The following FLG2 variants were observed in gnomAD, a reference collection of about 807,000 sequenced individuals.
FLG2 encodes filaggrin 2.
Under a neutral mutation model 3.9 loss-of-function variants are expected in FLG2, and 7 were observed. That is an observed-to-expected ratio of 1.79 (90% CI 1.02 to 3.36). FLG2 has a LOEUF of 3.36. FLG2 is among the 30% of genes most tolerant of loss of function. The probability of loss-of-function intolerance (pLI) is 0.00; values close to 1 mark genes in which losing one functional copy is unlikely to be tolerated. For synonymous variants in FLG2, 1,031 were observed against 1,056.1 expected (o/e 0.98, Z 0.46); for missense variants, 2,700 against 2,809.4 (o/e 0.96, Z 0.88).
chr1:152,353,959 C>T lies in FLG2; in HGVS notation c.3827G>A (p.Ser1276Asn). The T allele has an allele frequency of 1.2e-6, 2 of 1,614,222 alleles. No individual in the cohort carries two copies. The highest frequency in any genetic ancestry group is 1.7e-6 in the Non-Finnish European group (2 of 1,180,046). ...RRRRSSQSENSDSEVHSKVSH... is the reference protein window; with the variant it reads ...RRRRSSQSENNDSEVHSKVSH... ...GACCTTTGAGTGCACTTCACTGTCA[C>T]TGTTCTCACTTTGGCTAGATCTTCG... is the stretch of plus-strand genomic sequence containing the variant. The change falls in exon 3 of 3, where the codon AGT (serine) becomes AAT (asparagine). Residue 1276 changes from serine to asparagine, a missense_variant. By Grantham distance (46) the Ser-to-Asn change is conservative (BLOSUM62 1). Coordinates refer to ENST00000388718, the MANE Select transcript of FLG2 (RefSeq NM_001014342.3).
chr1:152,356,322 C>T lies in FLG2; in HGVS notation c.1464G>A (p.Gln488=), dbSNP rs879095514. The T allele has an allele frequency of 6.2e-7, 1 of 1,612,800 alleles. No homozygotes were observed. The highest frequency in any genetic ancestry group is 8.5e-7 in the Non-Finnish European group (1 of 1,179,560). Residue 488 remains glutamine (Q), a synonymous_variant, in exon 3 of 3, where the codon CAG becomes CAA. Coordinates refer to ENST00000388718, the MANE Select transcript of FLG2 (RefSeq NM_001014342.3). The part of the protein sequence containing the change: ...GFGQHGSGSG[Q]SSGFGQCGSG... ...ACCCACATTGTCCAAAGCCAGAGGA[C>T]TGACCTGAGCCAGACCCATGTTGTC...
Position 152,353,757 on chromosome 1 carries a change from C to T in FLG2, c.4029G>A (p.Gln1343=), listed in dbSNP as rs756517323. 1.2e-6 allele frequency: 2 copies of T among 1,614,090 alleles called. No homozygotes were observed. The highest frequency in any genetic ancestry group is 2.7e-5 in the African/African-American group (2 of 75,020). ...CAGTGGCATCACTGTGGCTAAATCT[C>T]TGTCTTCCAGATGTTCTGGAACCTG... ...TQTGSRTSGR[Q]RFSHSDATDS... Residue 1343 remains glutamine, a synonymous_variant, in exon 3 of 3, where the codon CAG becomes CAA. Transcript: ENST00000388718.
chr1:152,358,523 TGA>T (rs1213813167), intron 2 of FLG2, among the ~76,000 whole-genome samples: 1 of 152,224 alleles, frequency 6.6e-6, no homozygotes, highest in Non-Finnish European at 1.5e-5. Flanking sequence ...TGAGAAAGTC[TGA>T]GAGTCTATGA....
Position 152,354,311 on chromosome 1 carries a change from C to T in FLG2, c.3475G>A (p.Gly1159Ser). The T allele has an allele frequency of 6.2e-7, 1 of 1,614,218 alleles. No individual in the cohort carries two copies. Among genetic ancestry groups the T allele is most frequent in the Non-Finnish European group, 8.5e-7 (1 of 1,180,036 alleles). The change falls in exon 3 of 3, where the codon GGC becomes AGC. Residue 1159 changes from glycine to serine, a missense_variant. Physicochemically the swap from Gly to Ser is moderately conservative, Grantham distance 56 (BLOSUM62 0). Coordinates refer to ENST00000388718, the MANE Select transcript of FLG2 (RefSeq NM_001014342.3). ...CCACAGCCAGATGATTGACTGGAGC[C>T]AGTACCATGTTGGCCATAGCTAGAC... ...GQSSYGQHGTGSSQSSGCGQH... is the reference protein window; with the variant it reads ...GQSSYGQHGTSSSQSSGCGQH...
Position 152,356,640 on chromosome 1 carries a change from T to C in FLG2, c.1146A>G (p.Gln382=), listed in dbSNP as rs1183408943. ...TGSSQSSCCG[Q]YGSGGSQSCS... Reference sequence around the variant, plus strand: ...AAGACTGGCTACCTCCAGACCCATATTGTCCACAGCAAGAGGACTGACTTG... The same window carrying C: ...AAGACTGGCTACCTCCAGACCCATACTGTCCACAGCAAGAGGACTGACTTG... Residue 382 remains glutamine (Q), a synonymous_variant, in exon 3 of 3, where the codon CAA becomes CAG. Transcript: ENST00000388718. 1.9e-6 allele frequency: 3 copies of C among 1,614,192 alleles called. No homozygotes were observed. Among genetic ancestry groups the C allele is most frequent in the South Asian group, 2.2e-5 (2 of 91,076 alleles).
chr1:152,354,906 G>A lies in FLG2; in HGVS notation c.2880C>T (p.Gly960=), dbSNP rs753814109. 2.5e-6 allele frequency: 4 copies of A among 1,613,816 alleles called. No homozygotes were observed. Among genetic ancestry groups the A allele is most frequent in the Non-Finnish European group, 3.4e-6 (4 of 1,179,974 alleles). The change falls in exon 3 of 3, where the codon GGC becomes GGT. Residue 960 remains glycine, a synonymous_variant. Coordinates refer to ENST00000388718, the MANE Select transcript of FLG2 (RefSeq NM_001014342.3). The stretch of plus-strand genomic sequence containing the variant: ...CTGAGCCTGATCCATGTTGGCCAAA[G>A]CCAGAGGATTGACCTGAGCCTGACC... ...QHRSGSGQSS[G]FGQHGSGSGQ...
At position 152,350,277 on chromosome 1, in the gene FLG2, C is replaced by T; in HGVS notation, c.*333G>A. On this transcript the variant is annotated 3_prime_UTR_variant, in exon 3 of 3. Coordinates refer to ENST00000388718, the MANE Select transcript of FLG2 (RefSeq NM_001014342.3). ...GCTTTTTGTTATCAGTATGGGATTC[C>T]TGTTTTCTGATTGAACTAGATTTTG... is the stretch of plus-strand genomic sequence containing the variant. The T allele has an allele frequency of 3.5e-6, 1 of 288,906 alleles. No individual in the cohort carries two copies. Among genetic ancestry groups the T allele is most frequent in the Non-Finnish European group, 6.4e-6 (1 of 155,474 alleles). The allele number at this position is 288,906 out of a possible 1,614,324, so 17.9% of individuals were successfully genotyped here. A position where few individuals can be genotyped will look rare whatever the true frequency, so the allele number is the denominator to read the frequency against.
At position 152,355,912 on chromosome 1, in the gene FLG2, G is replaced by A; in HGVS notation, c.1874C>T (p.Ser625Leu). ...TTGGCCATAGCCAGATGACTGACTT[G>A]AGCCAGAACTGTGTTGGCCATAACT... ...QSSYGQHSSG[S>L]SQSSGYGQHG... is the part of the protein sequence containing the mutation. The change falls in exon 3 of 3, where the codon TCA becomes TTA. Residue 625 changes from serine to leucine, a missense_variant. Transcript: ENST00000388718. 2.5e-6 allele frequency: 4 copies of A among 1,606,622 alleles called. No homozygotes were observed. The highest frequency in any genetic ancestry group is 3.4e-6 in the Non-Finnish European group (4 of 1,177,322).
rs757530669 is a variant in FLG2, at chr1:152,354,910, G to T, written c.2876C>A (p.Ser959Tyr). The T allele has an allele frequency of 3.1e-6, 5 of 1,613,942 alleles. No individual in the cohort carries two copies. Among genetic ancestry groups the T allele is most frequent in the Non-Finnish European group, 4.2e-6 (5 of 1,180,000 alleles). The change falls in exon 3 of 3, where the codon TCT (serine) becomes TAT (tyrosine). Residue 959 changes from serine (S) to tyrosine (Y), a missense_variant. Ser to Tyr is a moderately radical substitution (Grantham distance 144, BLOSUM62 -2). Coordinates refer to ENST00000388718, the MANE Select transcript of FLG2 (RefSeq NM_001014342.3). ...GQHRSGSGQSSGFGQHGSGSG... is the reference protein window; with the variant it reads ...GQHRSGSGQSYGFGQHGSGSG... ...GCCTGATCCATGTTGGCCAAAGCCA[G>T]AGGATTGACCTGAGCCTGACCTGTG...
At position 152,356,121 on chromosome 1, in the gene FLG2, G is replaced by C. The variant is rs1303867348; in HGVS notation, c.1665C>G (p.Gly555=). The change falls in exon 3 of 3, where the codon GGC becomes GGG. Residue 555 remains glycine, a synonymous_variant. Transcript: ENST00000388718. The stretch of plus-strand genomic sequence containing the variant: ...TCTCTCTAGACCCATATTGGCCATA[G>C]CCAGATGATTGACTTGAGCCAGAAC... The part of the protein sequence containing the change: ...QHGSGSSQSS[G]YGQYGSRETS... 1.2e-6 allele frequency: 2 copies of C among 1,613,770 alleles called. No homozygotes were observed. Among genetic ancestry groups the C allele is most frequent in the African/African-American group, 2.7e-5 (2 of 74,788 alleles).
Position 152,353,080 on chromosome 1 carries a change from G to C in FLG2, c.4706C>G (p.Thr1569Ser). Reference sequence around the variant, plus strand: ...ACTGTGGCTAGTTCTCTGTCTTCCAGTTGTCCTGGACCCTGTCTGTGTGGT... The same window carrying C: ...ACTGTGGCTAGTTCTCTGTCTTCCACTTGTCCTGGACCCTGTCTGTGTGGT... ...EQTTQTGSRT[T>S]GRQRTSHSES... is the part of the protein sequence containing the mutation. Residue 1569 changes from threonine to serine, a missense_variant, in exon 3 of 3, where the codon ACT (threonine) becomes AGT (serine). Physicochemically the swap from Thr to Ser is moderately conservative, Grantham distance 58. Coordinates refer to ENST00000388718, the MANE Select transcript of FLG2 (RefSeq NM_001014342.3). 6.2e-7 allele frequency: 1 copy of C among 1,613,532 alleles called. No individual in the cohort carries two copies. Among genetic ancestry groups the C allele is most frequent in the Non-Finnish European group, 8.5e-7 (1 of 1,179,886 alleles).
In FLG2 at chr1:152,356,593, T is replaced by TATTCATGTTGACCATTACTACAAGACTGG; in HGVS notation, c.1164_1192dup (p.Tyr398SerfsTer49). 2 of 1,614,112 alleles carry TATTCATGTTGACCATTACTACAAGACTGG rather than the reference T, an allele frequency of 1.2e-6. No individual in the cohort carries two copies. The highest frequency in any genetic ancestry group is 1.7e-6 in the Non-Finnish European group (2 of 1,180,006). ...GTTTGAAAAGCGGCCACAGGAACCATATTCATGTTGACCATTACTACAAGA... is the reference window on the plus strand; with the variant it reads ...GTTTGAAAAGCGGCCACAGGAACCATATTCATGTTGACCATTACTACAAGACTGGATTCATGTTGACCATTACTACAAGA... On this transcript the variant is annotated frameshift_variant, in exon 3 of 3. Transcript: ENST00000388718. LOFTEE classifies it low-confidence loss of function (END_TRUNC).
In FLG2 at chr1:152,356,989, C is replaced by T. The variant is rs1260663912; in HGVS notation, c.797G>A (p.Ser266Asn). ...CCCACTGTCTCCTGAACCTGAACAG[C>T]TAGACCCAAGCTTTTGTTCTCTAAT... ...SRIREQKLGS[S>N]CSGSGDSGRR... The change falls in exon 3 of 3, where the codon AGC becomes AAC. Residue 266 changes from serine to asparagine, a missense_variant. Coordinates refer to ENST00000388718, the MANE Select transcript of FLG2 (RefSeq NM_001014342.3). The T allele has an allele frequency of 8.1e-6, 13 of 1,614,224 alleles. No individual in the cohort carries two copies. The highest frequency in any genetic ancestry group is 1.6e-4 in the Middle Eastern group (1 of 6,062).
In FLG2 at chr1:152,354,233, C is replaced by G. The variant is rs1654098952; in HGVS notation, c.3553G>C (p.Gly1185Arg). The G allele has an allele frequency of 2.5e-6, 4 of 1,613,818 alleles. No homozygotes were observed. Among genetic ancestry groups the G allele is most frequent in the Non-Finnish European group, 2.5e-6 (3 of 1,179,910 alleles). The change falls in exon 3 of 3, where the codon GGC (glycine) becomes CGC (arginine). Residue 1185 changes from glycine to arginine, a missense_variant. Physicochemically the swap from Gly to Arg is moderately radical, Grantham distance 125 (BLOSUM62 -2). Coordinates refer to ENST00000388718, the MANE Select transcript of FLG2 (RefSeq NM_001014342.3). Reference protein sequence around the residue: ...PTTSFGQHVSGSDNFSSSGQH... With the variant: ...PTTSFGQHVSRSDNFSSSGQH... ...CCAGAACTAGAGAAATTGTCTGAGC[C>G]AGACACATGCTGTCCAAAACTTGTG... is the stretch of plus-strand genomic sequence containing the variant.
At position 152,352,342 on chromosome 1, in the gene FLG2, A is replaced by G; in HGVS notation, c.5444T>C (p.Phe1815Ser). The change falls in exon 3 of 3, where the codon TTC (phenylalanine) becomes TCC (serine). Residue 1815 changes from phenylalanine (F) to serine (S), a missense_variant. Transcript: ENST00000388718. ...TCCTCGTGAGTGTGGTCTTTGTGAG[A>G]ACCCTGAGTGCCCTTCACTGTCACT... The part of the protein sequence containing the change: ...EYSDSEGHSG[F>S]SQRPHSRGHT... 6.2e-7 allele frequency: 1 copy of G among 1,604,134 alleles called. No homozygotes were observed. The highest frequency in any genetic ancestry group is 8.5e-7 in the Non-Finnish European group (1 of 1,177,330).
At position 152,352,740 on chromosome 1, in the gene FLG2, T is replaced by C. The variant is rs749344747; in HGVS notation, c.5046A>G (p.Gly1682=). ...HTHGQAGSQH[G]QSESIVPERH... ...TCTCAGGAACTATGGATTCTGACTG[T>C]CCATGTTGAGATCCAGCTTGACCAT... is the stretch of plus-strand genomic sequence containing the variant. Residue 1682 remains glycine, a synonymous_variant, in exon 3 of 3, where the codon GGA becomes GGG. Coordinates refer to ENST00000388718, the MANE Select transcript of FLG2 (RefSeq NM_001014342.3). 2 of 1,613,936 alleles carry C rather than the reference T, an allele frequency of 1.2e-6. No homozygotes were observed. The highest frequency in any genetic ancestry group is 2.2e-5 in the East Asian group (1 of 44,842).
At chr1:152,357,700 C>A in intron 2 of FLG2, 53 bp from the exon 3 acceptor site, 1 of 1,237,660 alleles carries the variant, frequency 8.1e-7, no homozygotes, top group Non-Finnish European at 1.1e-6. Flanking sequence ...CCTGCATACT[C>A]AACTAACACA....
rs1653838777 is a variant in FLG2 at position 152,349,855 on chromosome 1, T to C, written c.*755A>G. The C allele has an allele frequency of 6.5e-6, 1 of 152,988 alleles. No individual in the cohort carries two copies. The highest frequency in any genetic ancestry group is 2.4e-5 in the African/African-American group (1 of 41,466). 9.5% of individuals were successfully genotyped at this position (152,988 alleles called of 1,614,324 possible). A position where few individuals can be genotyped will look rare whatever the true frequency, so the allele number is the denominator to read the frequency against. On this transcript the variant is annotated 3_prime_UTR_variant, in exon 3 of 3. Coordinates refer to ENST00000388718, the MANE Select transcript of FLG2 (RefSeq NM_001014342.3). ...CTCCTGACAGACTTGACTCTGACTC[T>C]TGCCTTTGTCTCCCCCACTGCATAT...
intron 2 of FLG2, among the ~76,000 whole-genome samples, chr1:152,358,311 G>A (rs544650819): frequency 6.6e-6 from 1 of 152,174 alleles, no homozygotes; most frequent in African/African-American, 2.4e-5. Context: ...ATGAGCCACC[G>A]CGCCTAGCTG....
Sources: gnomAD v4.1 joint callset for allele counts (sites outside exome capture counted in the v4.1 genomes callset) on GRCh38, gnomAD v4.1.1 for gene constraint, MANE v1.5 for transcripts, NCBI Gene and HGNC (gene_info 2026-07-23, HGNC 2026-07-21) for gene names.